NKAIN3: variants seen among roughly 807,000 people sequenced by gnomAD.
The protein encoded by NKAIN3 is sodium/potassium transporting ATPase interacting 3, also known as sodium/potassium-transporting ATPase subunit beta-1-interacting protein 3.
Under a neutral mutation model 30.2 loss-of-function variants are expected in NKAIN3, and 25 were observed. That is an observed-to-expected ratio of 0.83 (90% CI 0.60 to 1.16). The LOEUF (loss-of-function observed/expected upper bound fraction) is 1.16. NKAIN3 is among the 50% of genes most tolerant of loss of function. NKAIN3 has a pLI of 0.00. For missense variants in NKAIN3, 225 were observed against 254.1 expected (o/e 0.89, Z 0.78); for synonymous variants, 91 against 89.6 (o/e 1.02, Z -0.09).
At chr8:62,583,996 A>G (rs1810394953) in intron 2 of NKAIN3, among the ~76,000 whole-genome samples, 1 of 152,146 alleles carries the variant, frequency 6.6e-6, no homozygotes, top group Non-Finnish European at 1.5e-5. Context: ...GTTTGAAGCT[A>G]CAACTGGTGG....
chr8:62,666,080 G>T (rs750267023), intron 3 of NKAIN3, among the ~76,000 whole-genome samples: 1 of 152,044 alleles, frequency 6.6e-6, no homozygotes, highest in African/African-American at 2.4e-5. Context: ...TGGGCGTGGT[G>T]GTGGGCGCCT....
At chr8:62,710,411 T>C (rs1212998338) in intron 3 of NKAIN3, among the ~76,000 whole-genome samples, 1 of 152,142 alleles carries the variant, frequency 6.6e-6, no homozygotes, top group African/African-American at 2.4e-5. Context: ...CAGTGTTAGG[T>C]GCATATATGT....
At chr8:62,291,362 C>G (rs144592325) in intron 1 of NKAIN3, among the ~76,000 whole-genome samples, 5,059 of 152,226 alleles carry the variant, frequency 0.033, 311 homozygotes, top group African/African-American at 0.12. Flanking sequence ...CCTGCTTTCT[C>G]ATGTGGGCAT....
intron 4 of NKAIN3, among the ~76,000 whole-genome samples, chr8:62,813,535 G>A (rs1249638408): frequency 6.7e-6 from 1 of 149,120 alleles, no homozygotes; most frequent in Non-Finnish European, 1.5e-5. Context: ...TGGCCAGTCT[G>A]TATATTTTCA....
At chr8:62,368,841 C>T (rs969334155) in intron 1 of NKAIN3, among the ~76,000 whole-genome samples, 1 of 151,190 alleles carries the variant, frequency 6.6e-6, no homozygotes, top group African/African-American at 2.4e-5. Flanking sequence ...TTTTAACTTC[C>T]CTGAATATGC....
intron 1 of NKAIN3, among the ~76,000 whole-genome samples, chr8:62,494,099 G>C (rs1807157270): frequency 6.6e-6 from 1 of 152,146 alleles, no homozygotes. Context: ...TTTGTCTTGT[G>C]CTGGTTTTCA....
chr8:62,843,587 G>A (rs1443311555), intron 4 of NKAIN3, among the ~76,000 whole-genome samples: 1 of 151,874 alleles, frequency 6.6e-6, no homozygotes, highest in Non-Finnish European at 1.5e-5. Context: ...AGCCCACCTC[G>A]GCCTCCCAAA....
At chr8:62,797,907 G>C (rs889697321) in intron 4 of NKAIN3, among the ~76,000 whole-genome samples, 2 of 152,208 alleles carry the variant, frequency 1.3e-5, no homozygotes, top group African/African-American at 4.8e-5. Context: ...GCCATGTGAA[G>C]AATGGAGTTA....
intron 4 of NKAIN3, among the ~76,000 whole-genome samples, chr8:62,857,340 A>G (rs1447110166): frequency 6.6e-6 from 1 of 152,160 alleles, no homozygotes; most frequent in Non-Finnish European, 1.5e-5. Flanking sequence ...TAATCTTTTC[A>G]TGGAGTATCT....
At chr8:62,755,052 C>G (rs1816407885) in intron 4 of NKAIN3, among the ~76,000 whole-genome samples, 1 of 152,210 alleles carries the variant, frequency 6.6e-6, no homozygotes, top group South Asian at 2.1e-4. Context: ...ACTCAGCATG[C>G]TCTTGGAGCT....
intron 4 of NKAIN3, among the ~76,000 whole-genome samples, chr8:62,901,003 C>T (rs1202234855): frequency 6.6e-6 from 1 of 152,086 alleles, no homozygotes; most frequent in Non-Finnish European, 1.5e-5. Context: ...CCCCTTGAAT[C>T]CCTGCCACCC....
At chr8:62,320,659 C>T (rs980410099) in intron 1 of NKAIN3, among the ~76,000 whole-genome samples, 5 of 152,194 alleles carry the variant, frequency 3.3e-5, no homozygotes, top group South Asian at 2.1e-4. Context: ...TAAATATTGG[C>T]CCCCACTCTC....
intron 1 of NKAIN3, among the ~76,000 whole-genome samples, chr8:62,344,106 T>C (rs1269286295): frequency 6.6e-6 from 1 of 151,882 alleles, no homozygotes; most frequent in East Asian, 1.9e-4. Context: ...ACAGCCAGGC[T>C]GGGGGGTGGA....
At chr8:62,805,404 C>T (rs1380819048) in intron 4 of NKAIN3, among the ~76,000 whole-genome samples, 2 of 151,968 alleles carry the variant, frequency 1.3e-5, no homozygotes. Flanking sequence ...TCAAACTATA[C>T]TACAAGGCTA....
chr8:62,569,013 T>C (rs909736289), intron 1 of NKAIN3, among the ~76,000 whole-genome samples: 1 of 152,114 alleles, frequency 6.6e-6, no homozygotes, highest in African/African-American at 2.4e-5. Context: ...GGGATGGTAC[T>C]AAAAACCAAG....
chr8:62,563,258 G>C (rs961076046), intron 1 of NKAIN3, among the ~76,000 whole-genome samples: 1 of 152,094 alleles, frequency 6.6e-6, no homozygotes, highest in Non-Finnish European at 1.5e-5. Flanking sequence ...GTTAGGTTTT[G>C]GGACAATTTT....
At chr8:62,700,178 T>C (rs1395296560) in intron 3 of NKAIN3, among the ~76,000 whole-genome samples, 1 of 152,184 alleles carries the variant, frequency 6.6e-6, no homozygotes, top group Non-Finnish European at 1.5e-5. Flanking sequence ...TGACTTTAGG[T>C]AGTTTAGGTT....
intron 1 of NKAIN3, among the ~76,000 whole-genome samples, chr8:62,472,465 A>G (rs117437483): frequency 0.015 from 2,299 of 152,316 alleles, 23 homozygotes; most frequent in Non-Finnish European, 0.017. Context: ...TGAGAATTAA[A>G]TGAAATAACA....
At chr8:62,963,123 C>T (rs949768066) in intron 6 of NKAIN3, among the ~76,000 whole-genome samples, 2 of 152,156 alleles carry the variant, frequency 1.3e-5, no homozygotes, top group African/African-American at 4.8e-5. Flanking sequence ...AAACTCCTGA[C>T]CTCGGGTGAT....
Sources: allele counts gnomAD v4.1 joint callset (sites outside exome capture counted in the v4.1 genomes callset), GRCh38; gene constraint gnomAD v4.1.1; transcripts MANE v1.5; gene names NCBI Gene and HGNC (gene_info 2026-07-23, HGNC 2026-07-21).